ANXA8: variants seen among roughly 807,000 people sequenced by gnomAD.
ANXA8 encodes VAC-beta.
A neutral mutation model predicts 26.8 loss-of-function variants in ANXA8; 9 were observed. The observed-to-expected ratio is 0.34, with a 90% CI of 0.20 to 0.59. The LOEUF is 0.59. Among genes scored for constraint, ANXA8 ranks in the 20% least tolerant of loss-of-function variants. The probability of loss-of-function intolerance (pLI) is 0.84; values close to 1 mark genes in which losing one functional copy is unlikely to be tolerated. For missense variants in ANXA8, 83 were observed against 238.5 expected, an observed-to-expected ratio of 0.35 and a Z score of 4.29; for synonymous variants, 39 against 94.8, an observed-to-expected ratio of 0.41 and a Z score of 3.42.
At chr10:47,969,206 G>A in the ANXA8 span, among the ~76,000 whole-genome samples, 63 of 151,458 alleles carry the variant, frequency 4.2e-4, 2 homozygotes, top group East Asian at 7.7e-4. Context: ...CATTGCTTCC[G>A]GACTGTCACA....
the ANXA8 span, among the ~76,000 whole-genome samples, chr10:47,611,516 T>A: frequency 2.1e-5 from 3 of 144,162 alleles, no homozygotes; most frequent in African/African-American, 8.1e-5. Context: ...TACCCTACAA[T>A]ATAATCAAAA....
At chr10:47,717,987 T>C in the ANXA8 span, among the ~76,000 whole-genome samples, 1 of 92,426 alleles carries the variant, frequency 1.1e-5, no homozygotes, top group Non-Finnish European at 1.9e-5. Flanking sequence ...GACAGAGCAA[T>C]ACTCTGTCTC....
the ANXA8 span, among the ~76,000 whole-genome samples, chr10:47,770,360 TTTAGC>T: frequency 3.4e-5 from 3 of 89,230 alleles, no homozygotes; most frequent in Non-Finnish European, 6.7e-5. Context: ...TCTCCTGTGC[TTTAGC>T]CAAGGCGGTG....
the ANXA8 span, among the ~76,000 whole-genome samples, chr10:47,495,888 G>A: frequency 6.6e-6 from 1 of 151,610 alleles, no homozygotes; most frequent in Non-Finnish European, 1.5e-5. Flanking sequence ...CAGCAGGAGA[G>A]GACCCTCAGA....
At chr10:47,915,013 G>A in the ANXA8 span, among the ~76,000 whole-genome samples, 1 of 152,266 alleles carries the variant, frequency 6.6e-6, no homozygotes, top group African/African-American at 2.4e-5. Flanking sequence ...AAATAAACTG[G>A]TTTCCCCGGA....
At chr10:47,672,371 A>G in the ANXA8 span, among the ~76,000 whole-genome samples, 1 of 151,990 alleles carries the variant, frequency 6.6e-6, no homozygotes, top group Admixed American at 6.6e-5. Flanking sequence ...TATGTTGTCT[A>G]AGGATGATCA....
At chr10:47,777,965 G>T in the ANXA8 span, among the ~76,000 whole-genome samples, 56 of 151,630 alleles carry the variant, frequency 3.7e-4, no homozygotes, top group Middle Eastern at 3.4e-3. Context: ...GTGCAGGTTT[G>T]GTGGGTAGGG....
chr10:47,673,431 A>G, the ANXA8 span, among the ~76,000 whole-genome samples: 1 of 150,804 alleles, frequency 6.6e-6, no homozygotes, highest in South Asian at 2.1e-4. Flanking sequence ...GCCACCAAGG[A>G]CTGGGGACAG....
chr10:47,556,974 G>A, the ANXA8 span, among the ~76,000 whole-genome samples: 3 of 147,416 alleles, frequency 2.0e-5, no homozygotes, highest in Non-Finnish European at 4.5e-5. Flanking sequence ...TGCTGCTAAA[G>A]CAATTAAAGT....
chr10:47,897,000 G>A, the ANXA8 span, among the ~76,000 whole-genome samples: 3 of 138,002 alleles, frequency 2.2e-5, no homozygotes, highest in Non-Finnish European at 3.1e-5. Flanking sequence ...GCGCGATCTC[G>A]GCTCACTGCA....
the ANXA8 span, among the ~76,000 whole-genome samples, chr10:47,699,040 C>T: frequency 3.2e-4 from 49 of 151,574 alleles, 1 homozygote; most frequent in Admixed American, 1.4e-3. Flanking sequence ...TATCAGCTAA[C>T]GCACTTAGAC....
the ANXA8 span, among the ~76,000 whole-genome samples, chr10:47,941,309 C>T: frequency 2.0e-5 from 3 of 146,642 alleles, no homozygotes; most frequent in African/African-American, 7.9e-5. Context: ...GTCTTCCCTG[C>T]TCTGCTCTGA....
the ANXA8 span, among the ~76,000 whole-genome samples, chr10:47,576,827 T>A: frequency 1.3e-5 from 2 of 149,214 alleles, no homozygotes; most frequent in African/African-American, 5.0e-5. Context: ...CCTAGAGAGA[T>A]TTTTTTAAGA....
the ANXA8 span, among the ~76,000 whole-genome samples, chr10:47,695,284 G>A: frequency 4.0e-5 from 6 of 151,556 alleles, no homozygotes; most frequent in South Asian, 1.3e-3. Context: ...GTAAGAAATG[G>A]GTTGCAGGCG....
At chr10:47,940,304 G>A in the ANXA8 span, among the ~76,000 whole-genome samples, 1 of 144,552 alleles carries the variant, frequency 6.9e-6, no homozygotes, top group South Asian at 2.1e-4. Flanking sequence ...CCCCCTGAGA[G>A]GACAGTAAAT....
the ANXA8 span, among the ~76,000 whole-genome samples, chr10:47,648,110 C>T: frequency 6.6e-6 from 1 of 151,772 alleles, no homozygotes; most frequent in African/African-American, 2.4e-5. Context: ...AATTGGTAAA[C>T]TGAAACAATT....
At chr10:47,932,833 C>T in the ANXA8 span, among the ~76,000 whole-genome samples, 2 of 63,254 alleles carry the variant, frequency 3.2e-5, no homozygotes, top group Non-Finnish European at 6.1e-5. Context: ...AACAAGCAGG[C>T]CAGTACCCCA....
At chr10:47,559,145 T>C in the ANXA8 span, among the ~76,000 whole-genome samples, 1 of 122,850 alleles carries the variant, frequency 8.1e-6, no homozygotes. Flanking sequence ...AGTCTTACTT[T>C]TTTTTTTTTT....
the ANXA8 span, among the ~76,000 whole-genome samples, chr10:47,749,110 C>G: frequency 1.2e-5 from 1 of 80,890 alleles, no homozygotes; most frequent in South Asian, 4.8e-4. Context: ...TGGTGCCTGC[C>G]TGTAGTCCCG....
Sources: gnomAD v4.1 joint callset for allele counts (sites outside exome capture counted in the v4.1 genomes callset) on GRCh38, gnomAD v4.1.1 for gene constraint, MANE v1.5 for transcripts, NCBI Gene and HGNC (gene_info 2026-07-23, HGNC 2026-07-21) for gene names.